DKK3: variants seen among roughly 807,000 people sequenced by gnomAD.
The protein encoded by DKK3 is dickkopf-related protein 3.
Under a neutral mutation model 33.2 loss-of-function variants are expected in DKK3, and 22 were observed. The observed-to-expected ratio is 0.66, with a 90% CI of 0.47 to 0.95. The LOEUF (loss-of-function observed/expected upper bound fraction) is 0.95. Among genes scored for constraint, DKK3 ranks in the 40% least tolerant of loss-of-function variants. The pLI is 0.00. For missense variants in DKK3, 398 were observed against 458.4 expected, an observed-to-expected ratio of 0.87 and a Z score of 1.20; for synonymous variants, 194 against 188.8, an observed-to-expected ratio of 1.03 and a Z score of -0.23.
chr11:11,965,388 T>C (rs996100241), intron 6 of DKK3, among the ~76,000 whole-genome samples: 4 of 152,204 alleles, frequency 2.6e-5, no homozygotes, highest in Non-Finnish European at 4.4e-5. Context: ...TCATGCCTCA[T>C]GGAGTCTCAG....
In DKK3 at chr11:12,008,553, G is replaced by A. The variant is rs1051244266; in HGVS notation, c.30C>T (p.Cys10=). 19 of 1,533,352 alleles carry A rather than the reference G, an allele frequency of 1.2e-5. No individual in the cohort carries two copies. The highest frequency in any genetic ancestry group is 1.7e-5 in the Non-Finnish European group (19 of 1,146,896). 95.0% of individuals were successfully genotyped at this position (1,533,352 alleles called of 1,614,324 possible). MQRLGATLL[C]LLLAAAVPTA... is the part of the protein sequence containing the mutation. The stretch of plus-strand genomic sequence containing the variant: ...TGGGGACCGCCGCCGCCAGCAGCAG[G>A]CACAGCAGGGTGGCCCCAAGCCGCT... Residue 10 remains cysteine, a synonymous_variant, in exon 1 of 7, where the codon TGC becomes TGT. Coordinates refer to ENST00000683431, the MANE Select transcript of DKK3 (RefSeq NM_001018057.2). This position sits in a 1 kb window ranked among gnomAD's most constrained non-coding sequence, Gnocchi z 4.6.
Position 11,998,752 on chromosome 11 carries a change from C to T in DKK3, c.379G>A (p.Val127Ile), listed in dbSNP as rs1848355662. 2 of 1,614,174 alleles carry T rather than the reference C, an allele frequency of 1.2e-6. No homozygotes were observed. The highest frequency in any genetic ancestry group is 1.3e-5 in the African/African-American group (1 of 75,036). The stretch of plus-strand genomic sequence containing the variant: ...GATGTGATAACTGTCTCTGAAAAGA[C>T]CATTTGTCCAGTCTGGTTGTTGGTT... Reference protein sequence around the residue: ...KITNNQTGQMVFSETVITSVG... With the variant: ...KITNNQTGQMIFSETVITSVG... Residue 127 changes from valine (V) to isoleucine (I), a missense_variant, in exon 3 of 7, where the codon GTC (valine) becomes ATC (isoleucine). Val to Ile is a conservative substitution (Grantham distance 29, BLOSUM62 3). Coordinates refer to ENST00000683431, the MANE Select transcript of DKK3 (RefSeq NM_001018057.2).
chr11:11,986,904 G>A (rs899126988), intron 3 of DKK3, among the ~76,000 whole-genome samples: 1 of 152,186 alleles, frequency 6.6e-6, no homozygotes, highest in African/African-American at 2.4e-5. Flanking sequence ...GTAGATGAAT[G>A]AACAAAGGCA....
upstream of DKK3, chr11:12,009,471 C>T: frequency 2.2e-6 from 2 of 913,910 alleles, no homozygotes; most frequent in South Asian, 5.0e-5. Flanking sequence ...TCACGCCCCA[C>T]GCCCCACGCC....
chr11:11,996,012 T>C (rs1415118662), intron 3 of DKK3, among the ~76,000 whole-genome samples: 1 of 152,200 alleles, frequency 6.6e-6, no homozygotes, highest in Non-Finnish European at 1.5e-5. Flanking sequence ...ATTCCAGCAT[T>C]TGAAGAAAGG....
At chr11:11,999,463 T>C (rs1418453911) in intron 2 of DKK3, among the ~76,000 whole-genome samples, 1 of 152,182 alleles carries the variant, frequency 6.6e-6, no homozygotes, top group Non-Finnish European at 1.5e-5. Flanking sequence ...ACCCCATCTC[T>C]ACTAAAAATA....
rs1310699015 is a variant in DKK3 at position 11,974,370 on chromosome 11, C to G, written c.436-5883G>C. Among the ~76,000 whole-genome samples the G allele has an allele frequency of 3.3e-5, 5 of 152,200 alleles. No homozygotes were observed. In the East Asian group the frequency reaches 9.6e-4, roughly 29 times the overall value. On this transcript the variant is annotated intron_variant, in intron 3 of 6. Coordinates refer to ENST00000683431, the MANE Select transcript of DKK3 (RefSeq NM_001018057.2). ...CATTTTTGCTGCTATAGCAGAATAC[C>G]TGAGACTGGGTAATTTATAATGAAC...
chr11:11,981,970 C>T (rs1847963165), intron 3 of DKK3, among the ~76,000 whole-genome samples: 1 of 152,156 alleles, frequency 6.6e-6, no homozygotes, highest in African/African-American at 2.4e-5. Context: ...TGTGGATGTC[C>T]TGGTCTCTGG....
Position 11,982,221 on chromosome 11 carries a change from A to G in DKK3, c.436-13734T>C, listed in dbSNP as rs77653598. On this transcript the variant is annotated intron_variant, in intron 3 of 6. Coordinates refer to ENST00000683431, the MANE Select transcript of DKK3 (RefSeq NM_001018057.2). ...CACCATGTGTCAGGGGCGTGGGGAC[A>G]GTCCTCCTGAAAGAAACACTGGAGG... Among the ~76,000 whole-genome samples the G allele has an allele frequency of 7.8e-3, 1,194 of 152,268 alleles. 16 individuals carry two copies. The highest frequency in any genetic ancestry group is 0.027 in the African/African-American group (1,138 of 41,540).
rs1848578113 is a variant in DKK3 at position 12,008,217 on chromosome 11, GC to G, written c.213+152del. On this transcript the variant is annotated intron_variant, in intron 1 of 6. Transcript: ENST00000683431. The surrounding 1 kb of genome is among the most constrained non-coding windows in gnomAD (Gnocchi z 4.6). ...GAGGCGGGAGTAGGGATCACCGTGCGCTGCCTCCAGGTCACTCCGCATCTGC... is the reference window on the plus strand; with the variant it reads ...GAGGCGGGAGTAGGGATCACCGTGCGTGCCTCCAGGTCACTCCGCATCTGC... 6.6e-6 allele frequency among the ~76,000 whole-genome samples: 1 copy of G among 152,128 alleles called. No individual in the cohort carries two copies. The highest frequency in any genetic ancestry group is 6.5e-5 in the Admixed American group (1 of 15,286).
At chr11:12,009,224 C>T, upstream of DKK3, 5 of 985,176 alleles carry the variant, frequency 5.1e-6, no homozygotes, top group Non-Finnish European at 6.0e-6. Flanking sequence ...TCGCTCCCGC[C>T]GGGAGGCCGC....
intron 5 of DKK3, 135 bp from the exon 6 acceptor site, chr11:11,966,100 G>A (rs1847587990): frequency 1.4e-5 from 15 of 1,097,612 alleles, no homozygotes; most frequent in Non-Finnish European, 1.8e-5. Context: ...TTGAAGATAC[G>A]GAATGACAGG....
chr11:11,968,505 G>C lies in DKK3; in HGVS notation c.436-18C>G. 6.2e-7 allele frequency: 1 copy of C among 1,609,774 alleles called. No individual in the cohort carries two copies. The highest frequency in any genetic ancestry group is 8.5e-7 in the Non-Finnish European group (1 of 1,177,368). ...ATGCACTCCTGGGGAAGGGCACAGG[G>C]AGCAGATGTGTCAATGGAGAGCAGA... On this transcript the variant is annotated intron_variant, in intron 3 of 6. Transcript: ENST00000683431.
intron 3 of DKK3, among the ~76,000 whole-genome samples, chr11:11,993,142 C>T (rs1018624211): frequency 6.6e-6 from 1 of 152,110 alleles, no homozygotes; most frequent in Non-Finnish European, 1.5e-5. Context: ...ATTTGCAAAA[C>T]CATTCAAAAA....
chr11:11,963,331 T>C lies in DKK3; in HGVS notation c.*1133A>G, dbSNP rs1186480283. On this transcript the variant is annotated 3_prime_UTR_variant, in exon 7 of 7. Coordinates refer to ENST00000683431, the MANE Select transcript of DKK3 (RefSeq NM_001018057.2). ...ATTACAACCATGTTTCACACAGCCC[T>C]GCTCGGTTTGATTTTCTCCACGTGG... 6.6e-6 allele frequency: 1 copy of C among 152,468 alleles called. No individual in the cohort carries two copies. The highest frequency in any genetic ancestry group is 2.4e-5 in the African/African-American group (1 of 41,480). The allele number at this position is 152,468 out of a possible 1,614,324, so 9.4% of individuals were successfully genotyped here.
At chr11:12,009,390 G>A (rs1368090185), upstream of DKK3, 2 of 760,422 alleles carry the variant, frequency 2.6e-6, no homozygotes, top group African/African-American at 1.2e-4. Context: ...AGCCCCGCCC[G>A]CCCACCAGGC....
intron 3 of DKK3, among the ~76,000 whole-genome samples, chr11:11,970,050 G>T (rs891170978): frequency 6.6e-6 from 1 of 152,170 alleles, no homozygotes; most frequent in African/African-American, 2.4e-5. Flanking sequence ...CCCAGCACAC[G>T]CTCTTGTGCA....
Position 11,966,170 on chromosome 11 carries a change from A to G in DKK3, c.674-205T>C, listed in dbSNP as rs528470955. ...GATTGGTAGGGCTGAAGCAGGGAGG[A>G]CTGCCTGGAAGAGGTGGGCTTCTGC... On this transcript the variant is annotated intron_variant, in intron 5 of 6. Coordinates refer to ENST00000683431, the MANE Select transcript of DKK3 (RefSeq NM_001018057.2). Among the ~76,000 whole-genome samples, 27 of 152,328 alleles carry G rather than the reference A, an allele frequency of 1.8e-4. No homozygotes were observed. In the East Asian group the frequency reaches 5.2e-3, roughly 29 times the overall value.
At position 11,997,099 on chromosome 11, in the gene DKK3, G is replaced by A. The variant is rs180940344; in HGVS notation, c.435+1597C>T. On this transcript the variant is annotated intron_variant, in intron 3 of 6. Coordinates refer to ENST00000683431, the MANE Select transcript of DKK3 (RefSeq NM_001018057.2). ...AGCTGCCTCGTTGAAAGGGTGGAGG[G>A]GGCAGCATGGGATGCACATGTGGCA... 2.1e-3 allele frequency among the ~76,000 whole-genome samples: 320 copies of A among 152,356 alleles called. 2 individuals are homozygous for A. Among genetic ancestry groups the A allele is most frequent in the African/African-American group, 7.5e-3 (311 of 41,586 alleles).
Sources: allele counts gnomAD v4.1 joint callset (sites outside exome capture counted in the v4.1 genomes callset), GRCh38; gene constraint gnomAD v4.1.1; non-coding constraint Gnocchi (gnomAD v3.1); transcripts MANE v1.5; gene names NCBI Gene and HGNC (gene_info 2026-07-23, HGNC 2026-07-21).